The following PLCL1 variants were observed in gnomAD, a reference collection of about 807,000 sequenced individuals.
PLCL1 encodes inactive phospholipase C-like protein 1.
PLCL1 carries 41 observed loss-of-function variants against 84.4 expected under a neutral mutation model. That is an observed-to-expected ratio of 0.49 (90% CI 0.38 to 0.63). The LOEUF is 0.63. Ranked by LOEUF, PLCL1 falls within the 30% of genes least tolerant of loss-of-function variation. The probability of loss-of-function intolerance (pLI) is 0.00; values close to 1 mark genes in which losing one functional copy is unlikely to be tolerated. For synonymous variants in PLCL1, 490 were observed against 488.3 expected (o/e 1.00, Z -0.05); for missense variants, 1,206 against 1,367.8 (o/e 0.88, Z 1.87).
chr2:198,054,796 G>T (rs1171662117), intron 1 of PLCL1, among the ~76,000 whole-genome samples: 14 of 152,190 alleles, frequency 9.2e-5, no homozygotes, highest in Admixed American at 2.6e-4. Flanking sequence ...TTCCCTGTGG[G>T]TTAAGATAGT....
chr2:197,906,709 C>G (rs1278932700), intron 1 of PLCL1, among the ~76,000 whole-genome samples: 3 of 152,110 alleles, frequency 2.0e-5, no homozygotes, highest in African/African-American at 7.2e-5. Context: ...GAATGTTTTT[C>G]CATTTGTTTG....
At chr2:198,057,030 G>T (rs1488690090) in intron 1 of PLCL1, among the ~76,000 whole-genome samples, 4 of 152,100 alleles carry the variant, frequency 2.6e-5, no homozygotes, top group African/African-American at 9.7e-5. Context: ...TGGGTGCCCT[G>T]GTGAAAACTC....
At chr2:198,146,654 G>C in intron 5 of PLCL1, 126 bp from the exon 6 acceptor site, 1 of 708,234 alleles carries the variant, frequency 1.4e-6, no homozygotes, top group East Asian at 2.8e-5. Context: ...CCCTGGAAAA[G>C]TGAGCTTGCA....
intron 1 of PLCL1, among the ~76,000 whole-genome samples, chr2:197,928,357 A>G (rs764891603): frequency 6.6e-6 from 1 of 152,152 alleles, no homozygotes; most frequent in African/African-American, 2.4e-5. Context: ...CTAACTATGA[A>G]GAGCTGTTAG....
At chr2:198,007,540 T>C (rs2105826483) in intron 1 of PLCL1, among the ~76,000 whole-genome samples, 1 of 152,304 alleles carries the variant, frequency 6.6e-6, no homozygotes, top group East Asian at 1.9e-4. Flanking sequence ...AGCCCACTGA[T>C]GTGAAGTTTC....
intron 1 of PLCL1, among the ~76,000 whole-genome samples, chr2:197,866,626 C>G (rs1358797363): frequency 6.6e-6 from 1 of 152,058 alleles, no homozygotes; most frequent in Non-Finnish European, 1.5e-5. Flanking sequence ...TAATAACTCT[C>G]TAGAGGTGAC....
intron 1 of PLCL1, among the ~76,000 whole-genome samples, chr2:197,923,290 T>TG (rs1688756119): frequency 6.9e-6 from 1 of 144,740 alleles, no homozygotes; most frequent in African/African-American, 2.6e-5. Context: ...ACGGGGTGGC[T>TG]GCCGGGCGGA....
intron 3 of PLCL1, among the ~76,000 whole-genome samples, chr2:198,089,967 C>T (rs1463804973): frequency 2.0e-5 from 3 of 152,146 alleles, no homozygotes; most frequent in Admixed American, 6.5e-5. Context: ...AATGGATACT[C>T]TCATTCATCT....
chr2:197,876,003 A>G (rs1178585784), intron 1 of PLCL1, among the ~76,000 whole-genome samples: 3 of 152,174 alleles, frequency 2.0e-5, no homozygotes, highest in African/African-American at 7.2e-5. Flanking sequence ...GTCATAGATA[A>G]CTCAGAATTT....
chr2:198,092,110 C>T (rs1693059704), intron 3 of PLCL1, among the ~76,000 whole-genome samples: 1 of 151,898 alleles, frequency 6.6e-6, no homozygotes, highest in East Asian at 1.9e-4. Context: ...ACTGCCTCTC[C>T]CAACCTCACC....
intron 3 of PLCL1, among the ~76,000 whole-genome samples, chr2:198,090,888 C>A (rs1043093121): frequency 9.2e-5 from 14 of 152,176 alleles, no homozygotes; most frequent in African/African-American, 3.1e-4. Flanking sequence ...GGGCAATTGC[C>A]ATTTCACACC....
At chr2:198,022,344 A>T (rs1451552783) in intron 1 of PLCL1, among the ~76,000 whole-genome samples, 1 of 152,182 alleles carries the variant, frequency 6.6e-6, no homozygotes, top group Non-Finnish European at 1.5e-5. Context: ...CCGACACAAG[A>T]CAAGGATGCC....
At chr2:197,904,811 ATT>A (rs1688343847) in intron 1 of PLCL1, among the ~76,000 whole-genome samples, 1 of 152,186 alleles carries the variant, frequency 6.6e-6, no homozygotes, top group African/African-American at 2.4e-5. Context: ...TTGAAGAAAA[ATT>A]TTGTTTGTTG....
At chr2:197,923,056 C>A (rs866328971) in intron 1 of PLCL1, among the ~76,000 whole-genome samples, 1 of 125,382 alleles carries the variant, frequency 8.0e-6, no homozygotes, top group African/African-American at 3.0e-5. Context: ...ACCTCCCAGA[C>A]GGGGCGGCTG....
chr2:198,138,542 AATT>A (rs1053857916), intron 5 of PLCL1, among the ~76,000 whole-genome samples: 11 of 152,172 alleles, frequency 7.2e-5, no homozygotes, highest in Admixed American at 1.3e-4. Flanking sequence ...GATATTAATT[AATT>A]ATTATTATTT....
At chr2:198,091,893 G>A (rs1354417630) in intron 3 of PLCL1, among the ~76,000 whole-genome samples, 3 of 151,842 alleles carry the variant, frequency 2.0e-5, no homozygotes, top group Non-Finnish European at 4.4e-5. Flanking sequence ...TACCTCACCT[G>A]CCTCTCCATC....
chr2:198,010,730 T>A (rs556042620), intron 1 of PLCL1, among the ~76,000 whole-genome samples: 2 of 151,970 alleles, frequency 1.3e-5, no homozygotes, highest in African/African-American at 4.8e-5. Context: ...TGGTAATCAT[T>A]ATTCATTAAG....
intron 1 of PLCL1, among the ~76,000 whole-genome samples, chr2:197,972,786 A>AT (rs1689897692): frequency 6.6e-6 from 1 of 152,080 alleles, no homozygotes. Context: ...TGTCAGCAAA[A>AT]TTTTTTCCTT....
intron 1 of PLCL1, among the ~76,000 whole-genome samples, chr2:197,983,695 G>T (rs1313495797): frequency 6.6e-6 from 1 of 152,310 alleles, no homozygotes. Flanking sequence ...AAGGATCAAA[G>T]CCTGGTGATG....
Sources: allele counts gnomAD v4.1 joint callset (sites outside exome capture counted in the v4.1 genomes callset), GRCh38; gene constraint gnomAD v4.1.1; transcripts MANE v1.5; gene names NCBI Gene and HGNC (gene_info 2026-07-23, HGNC 2026-07-21).